MALRD1: variants seen among roughly 807,000 people sequenced by gnomAD.
MALRD1 encodes MAM and LDL-receptor class A domain-containing protein 1.
A neutral mutation model predicts 242.1 loss-of-function variants in MALRD1; 247 were observed. The observed-to-expected ratio is 1.02, with a 90% CI of 0.92 to 1.13. MALRD1 has a LOEUF of 1.13. Ranked by LOEUF, MALRD1 falls within the 50% of genes most tolerant of loss-of-function variation. The pLI, the probability that MALRD1 is intolerant of heterozygous loss-of-function variation, is 0.00. For synonymous variants in MALRD1, 995 were observed against 866.6 expected (o/e 1.15, Z -2.60); for missense variants, 2,989 against 2,533.1 (o/e 1.18, Z -3.86).
In MALRD1 at chr10:19,124,639, A is replaced by T; in HGVS notation, c.912A>T (p.Thr304=). 8.1e-7 allele frequency: 1 copy of T among 1,233,810 alleles called. No homozygotes were observed. Among genetic ancestry groups the T allele is most frequent in the Non-Finnish European group, 1.0e-6 (1 of 988,130 alleles). 76.4% of individuals were successfully genotyped at this position (1,233,810 alleles called of 1,614,324 possible). The stretch of plus-strand genomic sequence containing the variant: ...GAGAGATCCCTGCATTCGAATCCAC[A>T]CCTCAGCAGGATCAAGGAGGTGATG... ...KAREIPAFES[T]PQQDQGGDDE... The change falls in exon 7 of 40, where the codon ACA becomes ACT. Residue 304 remains threonine, a synonymous_variant. Transcript: ENST00000454679.
At chr10:19,314,930 A>G (rs1383939678) in intron 21 of MALRD1, among the ~76,000 whole-genome samples, 1 of 150,500 alleles carries the variant, frequency 6.6e-6, no homozygotes, top group Non-Finnish European at 1.5e-5. Context: ...ATGCAAATTA[A>G]TTCACTTTAT....
At chr10:19,584,258 T>G (rs1837280531) in intron 33 of MALRD1, among the ~76,000 whole-genome samples, 1 of 152,194 alleles carries the variant, frequency 6.6e-6, no homozygotes, top group Non-Finnish European at 1.5e-5. Flanking sequence ...ATTTCTTGCC[T>G]TCTGTTAGCT....
chr10:19,731,270 C>T (rs1246537313), intron 39 of MALRD1, among the ~76,000 whole-genome samples: 1 of 152,132 alleles, frequency 6.6e-6, no homozygotes, highest in Non-Finnish European at 1.5e-5. Flanking sequence ...TTCCTTGGCC[C>T]TTTTTGGGGC....
At chr10:19,262,768 G>C (rs561704195) in intron 19 of MALRD1, among the ~76,000 whole-genome samples, 13 of 150,790 alleles carry the variant, frequency 8.6e-5, no homozygotes, top group Non-Finnish European at 1.5e-4. Flanking sequence ...CTGAAAATTT[G>C]TACCATCTTA....
intron 26 of MALRD1, among the ~76,000 whole-genome samples, chr10:19,369,596 T>A (rs1376901375): frequency 1.3e-5 from 2 of 148,904 alleles, no homozygotes; most frequent in Admixed American, 1.4e-4. Context: ...CATATAAATA[T>A]AGCCGCATAA....
intron 29 of MALRD1, among the ~76,000 whole-genome samples, chr10:19,480,078 C>G (rs926049352): frequency 6.6e-6 from 1 of 152,182 alleles, no homozygotes; most frequent in Admixed American, 6.5e-5. Context: ...TCCTTCTCCA[C>G]CATGTGGCTG....
At chr10:19,562,797 A>G (rs989223855) in intron 32 of MALRD1, among the ~76,000 whole-genome samples, 19 of 152,266 alleles carry the variant, frequency 1.2e-4, no homozygotes, top group African/African-American at 4.1e-4. Flanking sequence ...CCATAGAAGC[A>G]TGAACCCTAC....
intron 21 of MALRD1, among the ~76,000 whole-genome samples, chr10:19,300,233 C>T (rs561227534): frequency 5.9e-5 from 9 of 151,702 alleles, no homozygotes; most frequent in Admixed American, 4.6e-4. Flanking sequence ...CACAAGCAAA[C>T]GGAAAAGAAA....
At chr10:19,265,634 A>G (rs972519109) in intron 19 of MALRD1, among the ~76,000 whole-genome samples, 3 of 152,164 alleles carry the variant, frequency 2.0e-5, no homozygotes, top group East Asian at 3.9e-4. Flanking sequence ...TGTTTTGTGG[A>G]CTAACATATT....
chr10:19,352,697 C>T (rs1844444577), intron 26 of MALRD1, among the ~76,000 whole-genome samples: 1 of 152,144 alleles, frequency 6.6e-6, no homozygotes, highest in African/African-American at 2.4e-5. Context: ...ATGATATTTG[C>T]CACCTTCTTC....
chr10:19,552,100 C>T (rs376372075), intron 32 of MALRD1, among the ~76,000 whole-genome samples: 21 of 152,154 alleles, frequency 1.4e-4, no homozygotes, highest in Admixed American at 3.3e-4. Flanking sequence ...ATGATGCTGG[C>T]CTCATAGAAT....
At chr10:19,692,655 A>G (rs2131824445) in intron 38 of MALRD1, 101 bp downstream of exon 38, 2 of 860,122 alleles carry the variant, frequency 2.3e-6, no homozygotes, top group Non-Finnish European at 3.5e-6. Flanking sequence ...TATTACATGC[A>G]GGAAACTTTA....
rs1041364159 is a variant in MALRD1 at position 19,467,261 on chromosome 10, A to G, written c.5029+16771A>G. On this transcript the variant is annotated intron_variant, in intron 29 of 39. Coordinates refer to ENST00000454679, the MANE Select transcript of MALRD1 (RefSeq NM_001142308.3). ...TCTCAGCTACTCAGGAGGCTGAGGC[A>G]GGAGAATGGCGTGAACCCGGGAGGC... is the stretch of plus-strand genomic sequence containing the variant. Among the ~76,000 whole-genome samples, 17 of 151,198 alleles carry G rather than the reference A, an allele frequency of 1.1e-4. 1 individual carries two copies. In the Admixed American group the frequency reaches 1.1e-3, roughly 10 times the overall value.
chr10:19,428,877 T>C (rs547145413), intron 28 of MALRD1, among the ~76,000 whole-genome samples: 1 of 152,256 alleles, frequency 6.6e-6, no homozygotes, highest in South Asian at 2.1e-4. Flanking sequence ...TCTAAAAAGC[T>C]CTGAAGCTCT....
At chr10:19,172,248 T>TA (rs1396352389) in intron 13 of MALRD1, among the ~76,000 whole-genome samples, 1 of 149,724 alleles carries the variant, frequency 6.7e-6, no homozygotes, top group Non-Finnish European at 1.5e-5. Flanking sequence ...AAACCAGCAA[T>TA]AAAAAATAGG....
intron 10 of MALRD1, among the ~76,000 whole-genome samples, chr10:19,139,366 T>C (rs10826991): frequency 0.35 from 53,016 of 152,118 alleles, 9,667 homozygotes; most frequent in Non-Finnish European, 0.4. Context: ...AATTTGAATT[T>C]GTAATATCAA....
chr10:19,275,383 A>G (rs1840458084), intron 19 of MALRD1, among the ~76,000 whole-genome samples: 1 of 152,152 alleles, frequency 6.6e-6, no homozygotes. Context: ...TAAAATCAGA[A>G]ATCGGCCGGG....
chr10:19,314,538 T>A (rs937430653), intron 21 of MALRD1, among the ~76,000 whole-genome samples: 1 of 151,644 alleles, frequency 6.6e-6, no homozygotes, highest in East Asian at 1.9e-4. Context: ...CGAATACTTA[T>A]GTAAATTTGA....
intron 34 of MALRD1, among the ~76,000 whole-genome samples, chr10:19,605,012 TC>T (rs1838538265): frequency 6.6e-6 from 1 of 152,148 alleles, no homozygotes; most frequent in Non-Finnish European, 1.5e-5. Context: ...GATTATTATT[TC>T]CTAGTTTACT....
Sources: allele counts gnomAD v4.1 joint callset (sites outside exome capture counted in the v4.1 genomes callset), GRCh38; gene constraint gnomAD v4.1.1; transcripts MANE v1.5; gene names NCBI Gene and HGNC (gene_info 2026-07-23, HGNC 2026-07-21).